PBRM1: variants seen among roughly 807,000 people sequenced by gnomAD.
PBRM1 encodes polybromo 1.
A neutral mutation model predicts 194.5 loss-of-function variants in PBRM1; 27 were observed. The observed-to-expected ratio is 0.14, with a 90% confidence interval of 0.10 to 0.19. The LOEUF is 0.19. PBRM1 is among the 10% of genes least tolerant of loss of function. The pLI, the probability that PBRM1 is intolerant of heterozygous loss-of-function variation, is 1.00. For missense variants in PBRM1, 1,466 were observed against 2,077.2 expected (o/e 0.71, Z 5.72); for synonymous variants, 655 against 693.2 (o/e 0.94, Z 0.87).
intron 22 of PBRM1, among the ~76,000 whole-genome samples, chr3:52,573,696 G>C (rs1239344060): frequency 6.6e-6 from 1 of 152,166 alleles, no homozygotes; most frequent in Non-Finnish European, 1.5e-5. Context: ...TTACTTCACA[G>C]AAACAGTGAA....
chr3:52,674,850 T>C (rs1037403450), intron 2 of PBRM1, among the ~76,000 whole-genome samples: 5 of 151,356 alleles, frequency 3.3e-5, no homozygotes, highest in Non-Finnish European at 7.4e-5. Context: ...ACATATATAT[T>C]AGCCAGGTAT....
At chr3:52,666,625 T>C (rs555891505) in intron 3 of PBRM1, among the ~76,000 whole-genome samples, 4 of 151,936 alleles carry the variant, frequency 2.6e-5, no homozygotes, top group African/African-American at 9.7e-5. Context: ...GGCATGGTGG[T>C]TCATGCCTGT....
At chr3:52,575,009 C>T (rs1224196665) in intron 22 of PBRM1, among the ~76,000 whole-genome samples, 1 of 152,074 alleles carries the variant, frequency 6.6e-6, no homozygotes, top group Non-Finnish European at 1.5e-5. Flanking sequence ...TCAAGTGATC[C>T]TACCACCTCA....
intron 29 of PBRM1, 35 bp downstream of exon 31, chr3:52,550,386 G>T: frequency 8.7e-7 from 1 of 1,146,456 alleles, no homozygotes; most frequent in Non-Finnish European, 1.2e-6. Context: ...GAGGAAGCAT[G>T]TATTTCACAA....
intron 17 of PBRM1, among the ~76,000 whole-genome samples, chr3:52,595,640 T>C (rs1172775620): frequency 6.6e-6 from 1 of 152,230 alleles, no homozygotes; most frequent in Admixed American, 6.5e-5. Context: ...CCCCTCACTT[T>C]GTTTCCTCTG....
intron 11 of PBRM1, 48 bp downstream of exon 12, chr3:52,634,554 A>G (rs2153641855): frequency 8.2e-7 from 1 of 1,218,384 alleles, no homozygotes; most frequent in South Asian, 1.2e-5. Flanking sequence ...GTGCAGGCTC[A>G]GCCACAACAA....
intron 4 of PBRM1, 44 bp downstream of exon 5, chr3:52,662,089 C>A (rs2153914974): frequency 3.1e-6 from 5 of 1,600,366 alleles, no homozygotes; most frequent in Non-Finnish European, 4.3e-6. Context: ...GCCCTCTCTG[C>A]CTTCCAAGAG....
chr3:52,643,579 G>T (rs2096189534), intron 8 of PBRM1, among the ~76,000 whole-genome samples: 1 of 152,196 alleles, frequency 6.6e-6, no homozygotes. Context: ...ACCTGGTACT[G>T]AAACAATGTC....
intron 22 of PBRM1, among the ~76,000 whole-genome samples, chr3:52,570,437 T>C (rs903109364): frequency 2.6e-5 from 4 of 152,230 alleles, no homozygotes; most frequent in Non-Finnish European, 4.4e-5. Context: ...TTTACATAAT[T>C]CAAAGGCCTT....
At chr3:52,667,513 G>GAGGC (rs2096863896) in intron 3 of PBRM1, among the ~76,000 whole-genome samples, 1 of 152,122 alleles carries the variant, frequency 6.6e-6, no homozygotes, top group Non-Finnish European at 1.5e-5. Context: ...AGCACTTTGG[G>GAGGC]AGGCCAAGGT....
At chr3:52,568,460 T>C (rs1232667280) in intron 22 of PBRM1, among the ~76,000 whole-genome samples, 3 of 152,244 alleles carry the variant, frequency 2.0e-5, no homozygotes, top group Non-Finnish European at 4.4e-5. Context: ...TTTGGTCATA[T>C]AGATATTTTC....
At chr3:52,607,071 T>C (rs756038878) in intron 16 of PBRM1, among the ~76,000 whole-genome samples, 4 of 152,208 alleles carry the variant, frequency 2.6e-5, no homozygotes, top group South Asian at 4.1e-4. Context: ...CTACGGTATG[T>C]AGACTTCATT....
At chr3:52,670,870 GA>G (rs1214863351) in intron 2 of PBRM1, among the ~76,000 whole-genome samples, 1 of 152,166 alleles carries the variant, frequency 6.6e-6, no homozygotes, top group Non-Finnish European at 1.5e-5. Flanking sequence ...CGTCTCTAAG[GA>G]AAACAAAGCA....
At chr3:52,559,947 A>G (rs74601752) in intron 25 of PBRM1, among the ~76,000 whole-genome samples, 1 of 45,502 alleles carries the variant, frequency 2.2e-5, no homozygotes, top group East Asian at 6.1e-4. Context: ...AATGAAATGG[A>G]AAAAAAAAAA....
chr3:52,656,597 G>A lies in PBRM1; in HGVS notation c.645+1602C>T, dbSNP rs536675580. Among the ~76,000 whole-genome samples, 6 of 151,976 alleles carry A rather than the reference G, an allele frequency of 3.9e-5. No homozygotes were observed. In the South Asian group the frequency reaches 6.2e-4, roughly 16 times the overall value. ...GGACAATCGCTTGAACTCGGGAGGC[G>A]GAGGTTGCAGTGAGCCAAGATCACG... On this transcript the variant is annotated intron_variant, in intron 5 of 29. Transcript: ENST00000296302.
At chr3:52,607,508 A>C (rs2153399238) in intron 16 of PBRM1, among the ~76,000 whole-genome samples, 1 of 152,338 alleles carries the variant, frequency 6.6e-6, no homozygotes, top group East Asian at 1.9e-4. Flanking sequence ...TTCATCTATA[A>C]GACATAAACG....
intron 5 of PBRM1, among the ~76,000 whole-genome samples, chr3:52,654,666 C>T (rs1218394268): frequency 6.6e-6 from 1 of 152,160 alleles, no homozygotes; most frequent in East Asian, 1.9e-4. Flanking sequence ...TTCATTGCCC[C>T]ATATCACTGT....
chr3:52,572,420 T>G (rs1176859073), intron 22 of PBRM1, among the ~76,000 whole-genome samples: 1 of 152,172 alleles, frequency 6.6e-6, no homozygotes, highest in African/African-American at 2.4e-5. Context: ...TCACTCAGGC[T>G]GGAATCCAGT....
intron 13 of PBRM1, among the ~76,000 whole-genome samples, chr3:52,621,384 CG>C (rs1269792297): frequency 6.6e-6 from 1 of 152,076 alleles, no homozygotes; most frequent in African/African-American, 2.4e-5. Flanking sequence ...AGGATGGTCT[CG>C]ATCTCCTGAC....
Sources: gnomAD v4.1 joint callset for allele counts (sites outside exome capture counted in the v4.1 genomes callset) on GRCh38, gnomAD v4.1.1 for gene constraint, MANE v1.5 for transcripts, NCBI Gene and HGNC (gene_info 2026-07-23, HGNC 2026-07-21) for gene names.